Variants in HOXA3 observed in about 807,000 individuals in gnomAD.
HOXA3 encodes the protein homeobox protein Hox-A3.
Under a neutral mutation model 30.3 loss-of-function variants are expected in HOXA3, and 8 were observed. The observed-to-expected ratio is 0.26, with a 90% CI of 0.15 to 0.48. HOXA3 has a LOEUF of 0.48. Among genes scored for constraint, HOXA3 ranks in the 20% least tolerant of loss-of-function variants. The probability of loss-of-function intolerance (pLI) is 0.99; values close to 1 mark genes in which losing one functional copy is unlikely to be tolerated. For missense variants in HOXA3, 653 were observed against 614.4 expected (o/e 1.06, Z -0.66); for synonymous variants, 323 against 273.1 (o/e 1.18, Z -1.80).
intron 1 of HOXA3, chr7:27,147,479 AGGGCGAGGCGCCACTG>A (rs1562732487): frequency 1.3e-5 from 21 of 1,614,046 alleles, no homozygotes; most frequent in Non-Finnish European, 1.8e-5. Context: ...CCACTGCCCG[AGGGCGAGGCGCCACTG>A]AGGTCCTTAT....
At chr7:27,146,463 C>T (rs932551291) in intron 1 of HOXA3, among the ~76,000 whole-genome samples, 1 of 152,196 alleles carries the variant, frequency 6.6e-6, no homozygotes, top group Non-Finnish European at 1.5e-5. Flanking sequence ...AAATGCAGAA[C>T]TCCCCCAAGG....
intron 1 of HOXA3, chr7:27,141,520 T>G: frequency 5.5e-6 from 1 of 183,082 alleles, no homozygotes. Context: ...GGGGGACTTT[T>G]TGTGTGTTTT....
chr7:27,149,231 G>A (rs547411686), intron 1 of HOXA3, among the ~76,000 whole-genome samples: 14 of 152,232 alleles, frequency 9.2e-5, no homozygotes, highest in Non-Finnish European at 1.9e-4. Flanking sequence ...TTTTACAACT[G>A]TGTTTGTTGG....
chr7:27,137,373 T>A (rs1028680781), intron 2 of HOXA3, among the ~76,000 whole-genome samples: 25 of 152,202 alleles, frequency 1.6e-4, no homozygotes, highest in Non-Finnish European at 3.4e-4. Flanking sequence ...AGAAATATTG[T>A]CTCTTCAGCT....
At chr7:27,149,023 C>T (rs1424620134) in intron 1 of HOXA3, among the ~76,000 whole-genome samples, 1 of 152,272 alleles carries the variant, frequency 6.6e-6, no homozygotes, top group Admixed American at 6.5e-5. Flanking sequence ...CGCTCCGGAA[C>T]CGGGAATAGT....
At chr7:27,116,665 C>T (rs1280138076) in intron 4 of HOXA3, 2 of 152,182 alleles carry the variant, frequency 1.3e-5, no homozygotes, top group Non-Finnish European at 2.9e-5. Context: ...CTCTAACAAA[C>T]CTCTATTCCC....
intron 4 of HOXA3, among the ~76,000 whole-genome samples, chr7:27,115,095 C>T (rs561787159): frequency 6.7e-6 from 1 of 150,228 alleles, no homozygotes; most frequent in Non-Finnish European, 1.5e-5. Context: ...AATCCCAAGG[C>T]GTCAACGGCG....
intron 2 of HOXA3, among the ~76,000 whole-genome samples, chr7:27,131,953 T>C (rs1345073855): frequency 2.6e-5 from 4 of 152,222 alleles, no homozygotes; most frequent in Non-Finnish European, 4.4e-5. Flanking sequence ...GAGAGGAGAC[T>C]GTTGCCTGCT....
In HOXA3 at chr7:27,110,284, G is replaced by A; in HGVS notation, c.357C>T (p.Pro119=). The A allele has an allele frequency of 2.5e-6, 4 of 1,601,820 alleles. No homozygotes were observed. Among genetic ancestry groups the A allele is most frequent in the East Asian group, 2.2e-5 (1 of 44,804 alleles). Residue 119 remains proline, a synonymous_variant, in exon 5 of 6, where the codon CCC becomes CCT. Transcript: ENST00000612286. ...GAGGGGAGGCAGAAGAGGGAGGCGGGGGCGCGGCAGGGGTAGGTGCAGGGG... is the reference window on the plus strand; with the variant it reads ...GAGGGGAGGCAGAAGAGGGAGGCGGAGGCGCGGCAGGGGTAGGTGCAGGGG... ...PQPPAPTPAA[P]PPPSSASPPQ...
chr7:27,107,832 TAAAAAAA>T lies in HOXA3; in HGVS notation c.*76_*82del, dbSNP rs59078276. The T allele has an allele frequency of 9.2e-6, 5 of 545,606 alleles. No individual in the cohort carries two copies. The highest frequency in any genetic ancestry group is 1.1e-5 in the Non-Finnish European group (4 of 361,090). 33.8% of individuals were successfully genotyped at this position (545,606 alleles called of 1,614,324 possible). A position where few individuals can be genotyped will look rare whatever the true frequency, so the allele number is the denominator to read the frequency against. On this transcript the variant is annotated 3_prime_UTR_variant, in exon 6 of 6. Coordinates refer to ENST00000612286, the MANE Select transcript of HOXA3 (RefSeq NM_153631.3). ...AAGGAAGGAAAGGGCAGGAAGAACC[TAAAAAAA>T]AAAAAAAAAAAAAGCAACCAAAGAA...
Position 27,110,409 on chromosome 7 carries a change from G to A in HOXA3, c.232C>T (p.Pro78Ser). ...CCCAGGCTTGGAGGCTGGCTAGGTG[G>A]GGCGCTCAGGGTGCGCAGGCACGCC... ...SEACLRTLSA[P>S]PSQPPSLGEP... Residue 78 changes from proline (P) to serine (S), a missense_variant, in exon 5 of 6, where the codon CCA becomes TCA. Around this residue, in one of 3 missense-constraint regions of HOXA3, gnomAD observed 320 missense variants for 321.9 expected, o/e 0.99. Transcript: ENST00000612286. 1 of 1,537,906 alleles carries A rather than the reference G, an allele frequency of 6.5e-7. No individual in the cohort carries two copies. Among genetic ancestry groups the A allele is most frequent in the Non-Finnish European group, 8.7e-7 (1 of 1,144,746 alleles).
chr7:27,138,609 A>G (rs1423845868), intron 2 of HOXA3, among the ~76,000 whole-genome samples: 1 of 152,216 alleles, frequency 6.6e-6, no homozygotes, highest in Non-Finnish European at 1.5e-5. Flanking sequence ...AAAAGATCCC[A>G]GGACAGGCCA....
chr7:27,147,808 A>G, intron 1 of HOXA3: 1 of 1,425,056 alleles, frequency 7.0e-7, no homozygotes, highest in Non-Finnish European at 9.5e-7. Context: ...GGCTATAACT[A>G]TTAGTAGTCA....
chr7:27,140,302 T>G (rs1782520718), intron 1 of HOXA3, 116 bp from the exon 2 acceptor site: 1 of 152,208 alleles, frequency 6.6e-6, no homozygotes, highest in Admixed American at 6.5e-5. Flanking sequence ...CCACGTGACG[T>G]TTTATAGCCA....
In HOXA3 at chr7:27,108,730, CAGAG is replaced by C. The variant is rs1562710203; in HGVS notation, c.527-14_527-11del. On this transcript the variant is annotated splice_polypyrimidine_tract_variant and intron_variant, in intron 5 of 5. Transcript: ENST00000612286. This position sits in a 1 kb window ranked among gnomAD's most constrained non-coding sequence, Gnocchi z 5.0. ...CCAGCGCAGCTTTCGCCTGCGAGGACAGAGAGAGGAAGAGCGGCGTCAGGGGCTG... is the reference window on the plus strand; with the variant it reads ...CCAGCGCAGCTTTCGCCTGCGAGGACAGAGGAAGAGCGGCGTCAGGGGCTG... 4.4e-6 allele frequency: 7 copies of C among 1,582,820 alleles called. No individual in the cohort carries two copies. The highest frequency in any genetic ancestry group is 6.0e-6 in the Non-Finnish European group (7 of 1,162,948).
intron 1 of HOXA3, chr7:27,142,151 G>A: frequency 6.4e-7 from 1 of 1,556,890 alleles, no homozygotes; most frequent in Non-Finnish European, 8.7e-7. Context: ...AGGGGGACAA[G>A]CTTGGGTCAT....
intron 4 of HOXA3, 108 bp from the exon 5 acceptor site, chr7:27,110,868 T>G: frequency 1.8e-6 from 1 of 566,178 alleles, no homozygotes; most frequent in South Asian, 2.6e-5. Flanking sequence ...CAGCAATATT[T>G]AGCAGCACGA....
At position 27,108,682 on chromosome 7, in the gene HOXA3, C is replaced by A. The variant is rs374352147; in HGVS notation, c.565G>T (p.Ala189Ser). The change falls in exon 6 of 6, where the codon GCT becomes TCT. Residue 189 changes from alanine (A) to serine (S), a missense_variant. Around this residue, in one of 3 missense-constraint regions of HOXA3, gnomAD observed 320 missense variants for 321.9 expected, o/e 0.99. Transcript: ENST00000612286. The surrounding 1 kb of genome is among the most constrained non-coding windows in gnomAD (Gnocchi z 5.0). The part of the protein sequence containing the change: ...CAGDKSPPGQ[A>S]SSKRARTAYT... ...GCCGTGCGCGCGCGCTTGGACGAAG[C>A]CTGCCCCGGCGGGCTCTTGTCGCCA... 2.5e-6 allele frequency: 4 copies of A among 1,608,474 alleles called. No homozygotes were observed. The highest frequency in any genetic ancestry group is 1.7e-4 in the Middle Eastern group (1 of 6,038).
intron 2 of HOXA3, chr7:27,129,454 C>G: frequency 6.2e-7 from 1 of 1,614,150 alleles, no homozygotes. Context: ...GATCTCGATG[C>G]GGCGCCGCCG....
Sources: gnomAD v4.1 joint callset for allele counts (sites outside exome capture counted in the v4.1 genomes callset) on GRCh38, gnomAD v4.1.1 for gene constraint, gnomAD v4.1.1 regional missense constraint, Gnocchi (gnomAD v3.1) non-coding constraint, MANE v1.5 for transcripts, NCBI Gene and HGNC (gene_info 2026-07-23, HGNC 2026-07-21) for gene names.